MRPL19: variants seen among roughly 807,000 people sequenced by gnomAD.
MRPL19 encodes the protein mitochondrial ribosomal protein L19.
MRPL19 carries 31 observed loss-of-function variants against 34.0 expected under a neutral mutation model. The ratio of observed to expected loss-of-function variants is 0.91; its 90% confidence interval spans 0.68 to 1.23. The LOEUF is 1.23. MRPL19 is among the 50% of genes most tolerant of loss of function. The probability of loss-of-function intolerance (pLI) is 0.00; values close to 1 mark genes in which losing one functional copy is unlikely to be tolerated. For synonymous variants in MRPL19, 152 were observed against 127.7 expected, an observed-to-expected ratio of 1.19 and a Z score of -1.28; for missense variants, 384 against 367.6, an observed-to-expected ratio of 1.04 and a Z score of -0.37.
chr2:75,657,895 A>G lies in MRPL19; in HGVS notation c.*2610A>G, dbSNP rs1031441568. On this transcript the variant is annotated 3_prime_UTR_variant, in exon 6 of 6. Transcript: ENST00000393909. ...TTTTATTGTGGTAGGATATATATAT[A>G]AAACATAATTTGCCATTGTAAACAT... The G allele has an allele frequency of 6.6e-6, 1 of 152,132 alleles. No individual in the cohort carries two copies. Among genetic ancestry groups the G allele is most frequent in the Admixed American group, 6.6e-5 (1 of 15,256 alleles). 9.4% of individuals were successfully genotyped at this position (152,132 alleles called of 1,614,324 possible).
At chr2:75,649,124 C>G (rs563029827) in intron 2 of MRPL19, among the ~76,000 whole-genome samples, 1 of 152,176 alleles carries the variant, frequency 6.6e-6, no homozygotes, top group South Asian at 2.1e-4. Context: ...AATCCAGAAT[C>G]CAGAGATGAG....
In MRPL19 at chr2:75,655,450, T is replaced by G. The variant is rs11847; in HGVS notation, c.*165T>G. ...AAAATAAAACTTGTACACCAGTTTA[T>G]TACTCTAAAAAGAGAATTACACATG... is the stretch of plus-strand genomic sequence containing the variant. On this transcript the variant is annotated 3_prime_UTR_variant, in exon 6 of 6. Coordinates refer to ENST00000393909, the MANE Select transcript of MRPL19 (RefSeq NM_014763.4). 3.5e-6 allele frequency: 2 copies of G among 578,196 alleles called. No homozygotes were observed. The highest frequency in any genetic ancestry group is 1.9e-5 in the African/African-American group (1 of 52,514). 35.8% of individuals were successfully genotyped at this position (578,196 alleles called of 1,614,324 possible). A position where few individuals can be genotyped will look rare whatever the true frequency, so the allele number is the denominator to read the frequency against.
chr2:75,654,876 C>A lies in MRPL19; in HGVS notation c.616C>A (p.Pro206Thr), dbSNP rs775323659. The change falls in exon 5 of 6, where the codon CCA becomes ACA. Residue 206 changes from proline (P) to threonine (T), a missense_variant. By Grantham distance (38) the Pro-to-Thr change is conservative (BLOSUM62 -1). Transcript: ENST00000393909. The stretch of plus-strand genomic sequence containing the variant: ...TAGCACTTTTGATGTGAATATGAAG[C>A]CAGTAGTACAAGAGCCTAACCAAAA... ...EYSTFDVNMKPVVQEPNQKVP... is the reference protein window; with the variant it reads ...EYSTFDVNMKTVVQEPNQKVP... The A allele has an allele frequency of 5.6e-6, 9 of 1,613,418 alleles. No homozygotes were observed. In the African/African-American group the frequency reaches 1.2e-4, roughly 22 times the overall value.
rs1368962775 is a variant in MRPL19, at chr2:75,660,782, A to G, written c.*5497A>G. The G allele has an allele frequency of 1.3e-5, 2 of 152,192 alleles. No individual in the cohort carries two copies. Among genetic ancestry groups the G allele is most frequent in the African/African-American group, 4.8e-5 (2 of 41,442 alleles). 9.4% of individuals were successfully genotyped at this position (152,192 alleles called of 1,614,324 possible). On this transcript the variant is annotated 3_prime_UTR_variant, in exon 6 of 6. Coordinates refer to ENST00000393909, the MANE Select transcript of MRPL19 (RefSeq NM_014763.4). ...ACTGAGCCTAACAATCAGGCCCAAA[A>G]GCGTAGGGTCTTTGCAGATCTTGTC...
intron 4 of MRPL19, among the ~76,000 whole-genome samples, chr2:75,653,555 A>G (rs546655879): frequency 6.6e-6 from 1 of 152,354 alleles, no homozygotes; most frequent in African/African-American, 2.4e-5. Flanking sequence ...CCCTCTTGCC[A>G]TTCTCTGTAG....
In MRPL19 at chr2:75,659,425, A is replaced by G. The variant is rs966446330; in HGVS notation, c.*4140A>G. Among the ~76,000 whole-genome samples the G allele has an allele frequency of 1.3e-5, 2 of 151,084 alleles. No individual in the cohort carries two copies. The highest frequency in any genetic ancestry group is 2.9e-5 in the Non-Finnish European group (2 of 67,942). On this transcript the variant is annotated 3_prime_UTR_variant, in exon 6 of 6. Coordinates refer to ENST00000393909, the MANE Select transcript of MRPL19 (RefSeq NM_014763.4). ...AGTTAGAAAACAGTATGATAGTAAT[A>G]CTGACTTTTATATTTGTCAATATAT...
intron 4 of MRPL19, 41 bp downstream of exon 4, chr2:75,652,698 A>G (rs767078969): frequency 4.4e-6 from 7 of 1,582,762 alleles, no homozygotes; most frequent in Non-Finnish European, 6.0e-6. Context: ...AGAAAATGTT[A>G]TCTCAGGATT....
chr2:75,655,400 ATT>A lies in MRPL19; in HGVS notation c.*116_*117del. The A allele has an allele frequency of 2.7e-6, 2 of 730,960 alleles. No individual in the cohort carries two copies. Among genetic ancestry groups the A allele is most frequent in the Non-Finnish European group, 2.2e-6 (1 of 461,156 alleles). 45.3% of individuals were successfully genotyped at this position (730,960 alleles called of 1,614,324 possible). A position where few individuals can be genotyped will look rare whatever the true frequency, so the allele number is the denominator to read the frequency against. ...TAGTAATTAAGTGAACTAAGCATTCATTGTTTTATTAATACTTTTTTTCTAAA... is the reference window on the plus strand; with the variant it reads ...TAGTAATTAAGTGAACTAAGCATTCAGTTTTATTAATACTTTTTTTCTAAA... On this transcript the variant is annotated 3_prime_UTR_variant, in exon 6 of 6. Transcript: ENST00000393909.
chr2:75,655,034 T>A, intron 5 of MRPL19, 30 bp from the exon 6 acceptor site: 1 of 1,139,422 alleles, frequency 8.8e-7, no homozygotes, highest in Non-Finnish European at 1.2e-6. Context: ...TTATTGCTTT[T>A]TTTTTTTTTT....
chr2:75,651,180 C>T, intron 2 of MRPL19: 1 of 363,032 alleles, frequency 2.8e-6, no homozygotes, highest in Non-Finnish European at 5.4e-6. Flanking sequence ...GGAAAATCAG[C>T]ATCCTACTTT....
In MRPL19 at chr2:75,655,664, C is replaced by G. The variant is rs2104137694; in HGVS notation, c.*379C>G. 2 of 157,182 alleles carry G rather than the reference C, an allele frequency of 1.3e-5. No individual in the cohort carries two copies. The highest frequency in any genetic ancestry group is 3.7e-4 in the East Asian group (2 of 5,404). The allele number at this position is 157,182 out of a possible 1,614,324, so 9.7% of individuals were successfully genotyped here. A position where few individuals can be genotyped will look rare whatever the true frequency, so the allele number is the denominator to read the frequency against. On this transcript the variant is annotated 3_prime_UTR_variant, in exon 6 of 6. Transcript: ENST00000393909. ...AGAATAATAAACATTCATGTACCCA[C>G]TATCAGGTTAAGAAATAGAACATTT...
rs140709476 is a variant in MRPL19, at chr2:75,654,684, T to C, written c.476-52T>C. On this transcript the variant is annotated intron_variant, in intron 4 of 5. Transcript: ENST00000393909. ...AATGCTTTTACTGCAGTATGAAACA[T>C]GTATAGGAACGTGGACTTAGATTGT... The C allele has an allele frequency of 3.9e-4, 598 of 1,539,906 alleles. 5 individuals carry two copies. The African/African-American group carries it at 7.5e-3, about 19-fold the overall frequency.
rs1220857334 is a variant in MRPL19, at chr2:75,660,273, T to C, written c.*4988T>C. 6.6e-6 allele frequency among the ~76,000 whole-genome samples: 1 copy of C among 152,212 alleles called. No homozygotes were observed. Among genetic ancestry groups the C allele is most frequent in the Non-Finnish European group, 1.5e-5 (1 of 68,032 alleles). On this transcript the variant is annotated 3_prime_UTR_variant, in exon 6 of 6. Transcript: ENST00000393909. ...GTCTCTTTCTTCCTTTAGTTCTTTG[T>C]CCATGTTTTCCTTTAGCTCTTTGGG... is the stretch of plus-strand genomic sequence containing the variant.
At position 75,660,459 on chromosome 2, in the gene MRPL19, G is replaced by A. The variant is rs981731638; in HGVS notation, c.*5174G>A. ...AAACTGTATGTTTGAACATCATAACGTGGTGGCCCTGAAAATCAGATATTC... is the reference window on the plus strand; with the variant it reads ...AAACTGTATGTTTGAACATCATAACATGGTGGCCCTGAAAATCAGATATTC... On this transcript the variant is annotated 3_prime_UTR_variant, in exon 6 of 6. Coordinates refer to ENST00000393909, the MANE Select transcript of MRPL19 (RefSeq NM_014763.4). 4 of 152,084 alleles carry A rather than the reference G, an allele frequency of 2.6e-5. No individual in the cohort carries two copies. The highest frequency in any genetic ancestry group is 7.2e-5 in the African/African-American group (3 of 41,386). 9.4% of individuals were successfully genotyped at this position (152,084 alleles called of 1,614,324 possible).
chr2:75,647,607 C>G (rs995453059), intron 2 of MRPL19: 2 of 166,384 alleles, frequency 1.2e-5, no homozygotes, highest in African/African-American at 4.8e-5. Flanking sequence ...AAAAAATTTG[C>G]TATGGTTTAG....
Position 75,655,328 on chromosome 2 carries a change from C to G in MRPL19, c.*43C>G. On this transcript the variant is annotated 3_prime_UTR_variant, in exon 6 of 6. Transcript: ENST00000393909. Reference sequence around the variant, plus strand: ...GTTAGTTGCAGAAGATACATTGGCTCTAAGAGGATATATTTTGAGACCAAT... The same window carrying G: ...GTTAGTTGCAGAAGATACATTGGCTGTAAGAGGATATATTTTGAGACCAAT... The G allele has an allele frequency of 1.4e-6, 2 of 1,409,244 alleles. No individual in the cohort carries two copies. Among genetic ancestry groups the G allele is most frequent in the South Asian group, 2.5e-5 (2 of 81,570 alleles). The allele number at this position is 1,409,244 out of a possible 1,614,324, so 87.3% of individuals were successfully genotyped here.
chr2:75,653,690 G>A (rs1449706401), intron 4 of MRPL19, among the ~76,000 whole-genome samples: 1 of 152,140 alleles, frequency 6.6e-6, no homozygotes, highest in African/African-American at 2.4e-5. Flanking sequence ...TATAACTCCA[G>A]GACTGACCCT....
intron 2 of MRPL19, among the ~76,000 whole-genome samples, chr2:75,650,231 AC>A (rs1338285619): frequency 6.6e-6 from 1 of 152,204 alleles, no homozygotes; most frequent in Non-Finnish European, 1.5e-5. Flanking sequence ...TGTCATTTAT[AC>A]TTTTTATGTA....
At position 75,662,094 on chromosome 2, in the gene MRPL19, C is replaced by T. The variant is rs777637550; in HGVS notation, c.*6809C>T. The T allele has an allele frequency of 2.6e-5, 4 of 152,182 alleles. No individual in the cohort carries two copies. The highest frequency in any genetic ancestry group is 5.9e-5 in the Non-Finnish European group (4 of 68,032). The allele number at this position is 152,182 out of a possible 1,614,324, so 9.4% of individuals were successfully genotyped here. A position where few individuals can be genotyped will look rare whatever the true frequency, so the allele number is the denominator to read the frequency against. On this transcript the variant is annotated 3_prime_UTR_variant, in exon 6 of 6. Coordinates refer to ENST00000393909, the MANE Select transcript of MRPL19 (RefSeq NM_014763.4). The stretch of plus-strand genomic sequence containing the variant: ...GTAATAATTGAGATGATTGGTTCTG[C>T]AGTCATCGAGATGTGGATTTTCTCC...
Sources: gnomAD v4.1 joint callset for allele counts (sites outside exome capture counted in the v4.1 genomes callset) on GRCh38, gnomAD v4.1.1 for gene constraint, MANE v1.5 for transcripts, NCBI Gene and HGNC (gene_info 2026-07-23, HGNC 2026-07-21) for gene names.